The following PIEZO2 variants were observed in gnomAD, a reference collection of about 807,000 sequenced individuals.
The protein encoded by PIEZO2 is piezo-type mechanosensitive ion channel component 2.
A neutral mutation model predicts 337.3 loss-of-function variants in PIEZO2; 172 were observed. The ratio of observed to expected loss-of-function variants is 0.51; its 90% CI spans 0.45 to 0.58. PIEZO2 has a LOEUF of 0.58. Ranked by LOEUF, PIEZO2 falls within the 20% of genes least tolerant of loss-of-function variation. PIEZO2 has a pLI of 0.00. For synonymous variants in PIEZO2, 1,251 were observed against 1,228.5 expected (o/e 1.02, Z -0.38); for missense variants, 3,028 against 3,391.3 (o/e 0.89, Z 2.66).
intron 17 of PIEZO2, among the ~76,000 whole-genome samples, chr18:10,782,193 ATAT>A (rs1373408421): frequency 3.7e-5 from 5 of 136,390 alleles, no homozygotes; most frequent in Non-Finnish European, 6.1e-5. Flanking sequence ...AATGTACATC[ATAT>A]TATATATCAT....
intron 2 of PIEZO2, among the ~76,000 whole-genome samples, chr18:10,995,019 C>G (rs1359656463): frequency 7.7e-6 from 1 of 130,520 alleles, no homozygotes; most frequent in African/African-American, 3.0e-5. Context: ...TTGCAGATCT[C>G]AAAAGCCGAG....
intron 1 of PIEZO2, among the ~76,000 whole-genome samples, chr18:11,081,882 C>G (rs2038754569): frequency 1.3e-5 from 2 of 152,002 alleles, no homozygotes; most frequent in African/African-American, 2.4e-5. Context: ...GTCTCAGCCT[C>G]CCGAGTAGCT....
At chr18:11,064,159 C>T (rs2038070376) in intron 2 of PIEZO2, among the ~76,000 whole-genome samples, 1 of 152,134 alleles carries the variant, frequency 6.6e-6, no homozygotes, top group African/African-American at 2.4e-5. Context: ...CAAGATGCCT[C>T]AAAACACAGA....
chr18:10,726,155 G>C lies in PIEZO2; in HGVS notation c.5029+5252C>G, dbSNP rs1265499995. Among the ~76,000 whole-genome samples the C allele has an allele frequency of 6.6e-6, 1 of 152,058 alleles. No homozygotes were observed. Among genetic ancestry groups the C allele is most frequent in the Non-Finnish European group, 1.5e-5 (1 of 67,994 alleles). The stretch of plus-strand genomic sequence containing the variant: ...TGTAGGGTGGTGGGGGGATGGGTGG[G>C]AGAGGATTCATATATGTGAGCAACT... On this transcript the variant is annotated intron_variant, in intron 36 of 55. Transcript: ENST00000674853. This position sits in a 1 kb window ranked among gnomAD's most constrained non-coding sequence, Gnocchi z 5.9.
chr18:10,759,874 C>T lies in PIEZO2; in HGVS notation c.3486G>A (p.Gln1162=), dbSNP rs1251948156. ...GGATCATGGCATAGAAATCCATTCG[C>T]TGGCCAATGACGTTAACTGACATTA... is the stretch of plus-strand genomic sequence containing the variant. ...CFLMSVNVIG[Q]RMDFYAMIHA... The change falls in exon 25 of 56, where the codon CAG becomes CAA. Residue 1162 remains glutamine (Q), a synonymous_variant. Transcript: ENST00000674853. The surrounding 1 kb of genome is among the most constrained non-coding windows in gnomAD (Gnocchi z 5.5). 1 of 1,537,346 alleles carries T rather than the reference C, an allele frequency of 6.5e-7. No individual in the cohort carries two copies. Among genetic ancestry groups the T allele is most frequent in the African/African-American group, 1.4e-5 (1 of 73,022 alleles).
chr18:10,881,103 A>G (rs986252486), intron 4 of PIEZO2, among the ~76,000 whole-genome samples: 2 of 151,686 alleles, frequency 1.3e-5, no homozygotes, highest in African/African-American at 2.4e-5. Flanking sequence ...TAGAGAAAAC[A>G]AACAGTTAGC....
At chr18:10,849,210 C>T (rs1442203312) in intron 7 of PIEZO2, among the ~76,000 whole-genome samples, 1 of 152,138 alleles carries the variant, frequency 6.6e-6, no homozygotes, top group African/African-American at 2.4e-5. Flanking sequence ...CGGGGTTTTG[C>T]CATGTTGGCC....
intron 4 of PIEZO2, among the ~76,000 whole-genome samples, chr18:10,884,719 G>A (rs1366511089): frequency 2.6e-5 from 4 of 152,114 alleles, no homozygotes; most frequent in African/African-American, 9.7e-5. Context: ...TTAGTGCATC[G>A]AATAACTTAA....
At position 10,940,372 on chromosome 18, in the gene PIEZO2, AT is replaced by A. The variant is rs1229831412; in HGVS notation, c.287-29145del. On this transcript the variant is annotated intron_variant, in intron 3 of 55. Transcript: ENST00000674853. This position sits in a 1 kb window ranked among gnomAD's most constrained non-coding sequence, Gnocchi z 5.3. Reference sequence around the variant, plus strand: ...GTAAAAGTACTGGGTCTAGATACTGATTTCACAGGATCAGTGCTACATGGAT... The same window carrying A: ...GTAAAAGTACTGGGTCTAGATACTGATTCACAGGATCAGTGCTACATGGAT... Among the ~76,000 whole-genome samples, 1 of 152,198 alleles carries A rather than the reference AT, an allele frequency of 6.6e-6. No homozygotes were observed. Among genetic ancestry groups the A allele is most frequent in the African/African-American group, 2.4e-5 (1 of 41,460 alleles).
At chr18:10,797,017 A>T (rs1332772653) in intron 12 of PIEZO2, among the ~76,000 whole-genome samples, 2 of 151,608 alleles carry the variant, frequency 1.3e-5, no homozygotes, top group Admixed American at 6.6e-5. Context: ...TAGCATACAT[A>T]CCATCATATC....
chr18:10,750,239 A>G lies in PIEZO2; in HGVS notation c.4168-52T>C. ...CTGAAGCTCTGCAGCCAGAAAAAAA[A>G]GTGGTGTTTTATGATCCCAACATGT... On this transcript the variant is annotated intron_variant, in intron 28 of 55. Coordinates refer to ENST00000674853, the MANE Select transcript of PIEZO2 (RefSeq NM_001378183.1). The surrounding 1 kb of genome is among the most constrained non-coding windows in gnomAD (Gnocchi z 4.1). 1 of 1,382,094 alleles carries G rather than the reference A, an allele frequency of 7.2e-7. No homozygotes were observed. 85.6% of individuals were successfully genotyped at this position (1,382,094 alleles called of 1,614,324 possible).
At chr18:11,082,872 A>C (rs2038799471) in intron 1 of PIEZO2, among the ~76,000 whole-genome samples, 1 of 152,200 alleles carries the variant, frequency 6.6e-6, no homozygotes, top group African/African-American at 2.4e-5. Context: ...GCCTCTCTCC[A>C]GATTGTAATG....
At chr18:10,911,675 A>T (rs1351051755) in intron 3 of PIEZO2, among the ~76,000 whole-genome samples, 1 of 152,204 alleles carries the variant, frequency 6.6e-6, no homozygotes, top group Non-Finnish European at 1.5e-5. Flanking sequence ...GAATCACTTG[A>T]ACATGGAGGC....
At position 10,682,343 on chromosome 18, in the gene PIEZO2, C is replaced by T. The variant is rs936442755; in HGVS notation, c.7498-51G>A. 17 of 1,468,818 alleles carry T rather than the reference C, an allele frequency of 1.2e-5. No homozygotes were observed. In the East Asian group the frequency reaches 1.7e-4, roughly 15 times the overall value. The allele number at this position is 1,468,818 out of a possible 1,614,324, so 91.0% of individuals were successfully genotyped here. A position where few individuals can be genotyped will look rare whatever the true frequency, so the allele number is the denominator to read the frequency against. On this transcript the variant is annotated intron_variant, in intron 49 of 55. Transcript: ENST00000674853. This position sits in a 1 kb window ranked among gnomAD's most constrained non-coding sequence, Gnocchi z 5.6. ...TCAGGCTCAGGCTCAGGTGCTTTCC[C>T]GCAGGCAGCGGGATTGGGGGAGAGC...
intron 4 of PIEZO2, among the ~76,000 whole-genome samples, chr18:10,885,150 C>T (rs1423267426): frequency 1.3e-5 from 2 of 151,942 alleles, no homozygotes; most frequent in African/African-American, 2.4e-5. Flanking sequence ...TAAAGCCGGG[C>T]GTGGTGGCTC....
chr18:10,902,245 C>A (rs1339535861), intron 4 of PIEZO2, among the ~76,000 whole-genome samples: 1 of 152,224 alleles, frequency 6.6e-6, no homozygotes, highest in Non-Finnish European at 1.5e-5. Flanking sequence ...AAAACCAGTC[C>A]TGGTCCCAAA....
At chr18:10,843,678 G>C (rs2041263042) in intron 7 of PIEZO2, among the ~76,000 whole-genome samples, 1 of 152,174 alleles carries the variant, frequency 6.6e-6, no homozygotes. Flanking sequence ...GGTACCTCGG[G>C]CATGCTGACA....
intron 7 of PIEZO2, among the ~76,000 whole-genome samples, chr18:10,814,070 C>A (rs2040282206): frequency 6.6e-6 from 1 of 151,798 alleles, no homozygotes; most frequent in African/African-American, 2.4e-5. Context: ...CTGGTTCATG[C>A]CATCCTCCTG....
In PIEZO2 at chr18:10,855,998, T is replaced by A. The variant is rs1173181443; in HGVS notation, c.704-432A>T. ...TACTACTTTTTTTTTTTAAGTTAACTAGTACATCCTGGCCAATTAAACTCT... is the reference window on the plus strand; with the variant it reads ...TACTACTTTTTTTTTTTAAGTTAACAAGTACATCCTGGCCAATTAAACTCT... On this transcript the variant is annotated intron_variant, in intron 6 of 55. Coordinates refer to ENST00000674853, the MANE Select transcript of PIEZO2 (RefSeq NM_001378183.1). This position sits in a 1 kb window ranked among gnomAD's most constrained non-coding sequence, Gnocchi z 4.9. 2.0e-5 allele frequency among the ~76,000 whole-genome samples: 3 copies of A among 152,078 alleles called. No homozygotes were observed. The highest frequency in any genetic ancestry group is 6.6e-5 in the Admixed American group (1 of 15,266).
Sources: gnomAD v4.1 joint callset for allele counts (sites outside exome capture counted in the v4.1 genomes callset) on GRCh38, gnomAD v4.1.1 for gene constraint, Gnocchi (gnomAD v3.1) non-coding constraint, MANE v1.5 for transcripts, NCBI Gene and HGNC (gene_info 2026-07-23, HGNC 2026-07-21) for gene names.